CLSPN: variants seen among roughly 807,000 people sequenced by gnomAD.
CLSPN encodes claspin.
In CLSPN, 85 loss-of-function variants were observed where a neutral mutation model predicts 156.3. The observed-to-expected ratio is 0.54, with a 90% CI of 0.46 to 0.65. The LOEUF is 0.65. Ranked by LOEUF, CLSPN falls within the 30% of genes least tolerant of loss-of-function variation. The pLI, the probability that CLSPN is intolerant of heterozygous loss-of-function variation, is 0.00. For missense variants in CLSPN, 1,407 were observed against 1,554.9 expected, an observed-to-expected ratio of 0.90 and a Z score of 1.60; for synonymous variants, 534 against 542.4, an observed-to-expected ratio of 0.98 and a Z score of 0.22.
At chr1:35,721,304 T>C (rs908058839) in intron 24 of CLSPN, among the ~76,000 whole-genome samples, 15 of 152,184 alleles carry the variant, frequency 9.9e-5, no homozygotes, top group Admixed American at 8.5e-4. Flanking sequence ...ATTCCTCTAG[T>C]GCTACCAGGA....
At chr1:35,768,547 G>A (rs995040698) in intron 1 of CLSPN, among the ~76,000 whole-genome samples, 4 of 151,676 alleles carry the variant, frequency 2.6e-5, no homozygotes, top group Non-Finnish European at 4.4e-5. Context: ...AGCTGGGACC[G>A]AGTAGCTGGG....
At position 35,736,248 on chromosome 1, in the gene CLSPN, C is replaced by G; in HGVS notation, c.*248G>C. The G allele has an allele frequency of 9.0e-7, 1 of 1,108,246 alleles. No individual in the cohort carries two copies. The highest frequency in any genetic ancestry group is 1.1e-6 in the Non-Finnish European group (1 of 910,534). The allele number at this position is 1,108,246 out of a possible 1,614,324, so 68.7% of individuals were successfully genotyped here. ...AAAAAAAAAAAAAGGAAACCTCACC[C>G]AAGTATTCCATGAGTTGTTGATGTT... On this transcript the variant is annotated 3_prime_UTR_variant, in exon 25 of 25. Transcript: ENST00000318121.
At chr1:35,744,430 T>A (rs2148616527) in intron 16 of CLSPN, among the ~76,000 whole-genome samples, 1 of 152,252 alleles carries the variant, frequency 6.6e-6, no homozygotes, top group Non-Finnish European at 1.5e-5. Flanking sequence ...GCCCCCTGAA[T>A]AGCTGGTACT....
Position 35,747,089 on chromosome 1 carries a change from G to A in CLSPN, c.2628-97C>T, listed in dbSNP as rs138652790. On this transcript the variant is annotated intron_variant, in intron 14 of 24. Coordinates refer to ENST00000318121, the MANE Select transcript of CLSPN (RefSeq NM_022111.4). Reference sequence around the variant, plus strand: ...TGTAATCCCAGCACTTCGGGAGGCCGAGGCGGGCGGATCACGAGGTCAGGA... The same window carrying A: ...TGTAATCCCAGCACTTCGGGAGGCCAAGGCGGGCGGATCACGAGGTCAGGA... 1.0e-4 allele frequency: 85 copies of A among 824,166 alleles called. No individual in the cohort carries two copies. In the African/African-American group the frequency reaches 1.1e-3, roughly 10 times the overall value. 51.1% of individuals were successfully genotyped at this position (824,166 alleles called of 1,614,324 possible).
chr1:35,745,630 TAA>T (rs2148617243), intron 15 of CLSPN, 68 bp from the exon 16 acceptor site: 2 of 1,121,108 alleles, frequency 1.8e-6, no homozygotes, highest in Non-Finnish European at 2.7e-6. Flanking sequence ...CCCAGCCATC[TAA>T]AGTCATGCCA....
intron 24 of CLSPN, among the ~76,000 whole-genome samples, chr1:35,721,549 G>C (rs563407844): frequency 1.3e-5 from 2 of 151,908 alleles, no homozygotes; most frequent in African/African-American, 4.8e-5. Context: ...CACCACACCC[G>C]GCTAATTTTT....
intron 16 of CLSPN, 137 bp from the exon 17 acceptor site, chr1:35,743,667 C>T (rs1364994810): frequency 6.3e-6 from 4 of 635,994 alleles, no homozygotes; most frequent in African/African-American, 3.7e-5. Context: ...TCTCTTACAC[C>T]ACCTGGAATA....
In CLSPN at chr1:35,734,700, A is replaced by G. The variant is rs2148610984; in HGVS notation, c.*1796T>C. Reference sequence around the variant, plus strand: ...CTCAAAAAAAAAAAAAGAAAAGAAAAGAAAAGAAAAAGAAAAAGAAAAGAA... The same window carrying G: ...CTCAAAAAAAAAAAAAGAAAAGAAAGGAAAAGAAAAAGAAAAAGAAAAGAA... On this transcript the variant is annotated 3_prime_UTR_variant, in exon 25 of 25. Transcript: ENST00000318121. 2.1e-6 allele frequency: 2 copies of G among 937,586 alleles called. No individual in the cohort carries two copies. The highest frequency in any genetic ancestry group is 4.9e-5 in the South Asian group (1 of 20,346). The allele number at this position is 937,586 out of a possible 1,614,324, so 58.1% of individuals were successfully genotyped here.
chr1:35,769,633 G>C (rs186291320), intron 1 of CLSPN, among the ~76,000 whole-genome samples: 5 of 152,298 alleles, frequency 3.3e-5, no homozygotes, highest in African/African-American at 1.2e-4. Context: ...CGGCCACGGA[G>C]CCCGAAGCGC....
downstream of CLSPN, among the ~76,000 whole-genome samples, chr1:35,728,533 TTGA>T (rs746885576): frequency 2.0e-5 from 3 of 152,136 alleles, no homozygotes; most frequent in African/African-American, 7.2e-5. Flanking sequence ...CATCAGAAAG[TTGA>T]TGATAAGTTC....
At chr1:35,743,270 A>G (rs1641758543) in intron 17 of CLSPN, 29 bp from the exon 18 acceptor site, 2 of 1,566,286 alleles carry the variant, frequency 1.3e-6, no homozygotes, top group South Asian at 1.1e-5. Flanking sequence ...ATCCAAATTA[A>G]GCAGAATAAA....
intron 24 of CLSPN, among the ~76,000 whole-genome samples, chr1:35,723,210 C>T (rs1641113706): frequency 1.3e-5 from 2 of 152,192 alleles, no homozygotes; most frequent in Admixed American, 1.3e-4. Flanking sequence ...GCTGGGTTCA[C>T]CTACCCACAT....
downstream of CLSPN, chr1:35,732,029 C>G: frequency 2.5e-6 from 1 of 392,230 alleles, no homozygotes; most frequent in South Asian, 1.1e-4. Context: ...ACATAATGCA[C>G]TGACATACAT....
rs764709815 is a variant in CLSPN, at chr1:35,736,111, G to C, written c.*385C>G. On this transcript the variant is annotated 3_prime_UTR_variant, in exon 25 of 25. Coordinates refer to ENST00000318121, the MANE Select transcript of CLSPN (RefSeq NM_022111.4). ...CACATGCCTGTAATCCCAGCTACTC[G>C]GGAGGCTGAAGGAGGAGAATCGCTT... 30 of 567,740 alleles carry C rather than the reference G, an allele frequency of 5.3e-5. 1 individual carries two copies. In the South Asian group the frequency reaches 1.5e-3, roughly 29 times the overall value. The allele number at this position is 567,740 out of a possible 1,614,324, so 35.2% of individuals were successfully genotyped here. A position where few individuals can be genotyped will look rare whatever the true frequency, so the allele number is the denominator to read the frequency against.
intron 18 of CLSPN, among the ~76,000 whole-genome samples, chr1:35,741,096 T>A (rs1641674106): frequency 6.6e-6 from 1 of 152,160 alleles, no homozygotes; most frequent in South Asian, 2.1e-4. Context: ...TAAATACCTA[T>A]TAGAATTATC....
rs147648474 is a variant in CLSPN, at chr1:35,762,297, G to A, written c.822+107C>T. ...CCTACTATGTACAAAGCAATATGAT[G>A]GGTAACAGAAAAATATGATAGACAA... On this transcript the variant is annotated intron_variant, in intron 5 of 24. Coordinates refer to ENST00000318121, the MANE Select transcript of CLSPN (RefSeq NM_022111.4). The A allele has an allele frequency of 1.5e-3, 1,539 of 1,024,500 alleles. 18 individuals carry two copies. In the African/African-American group the frequency reaches 0.022, roughly 15 times the overall value. The allele number at this position is 1,024,500 out of a possible 1,614,324, so 63.5% of individuals were successfully genotyped here. A position where few individuals can be genotyped will look rare whatever the true frequency, so the allele number is the denominator to read the frequency against.
intron 24 of CLSPN, among the ~76,000 whole-genome samples, chr1:35,726,398 G>C (rs1244074053): frequency 2.0e-5 from 3 of 152,102 alleles, no homozygotes; most frequent in African/African-American, 7.2e-5. Context: ...GAATCTCTTA[G>C]AAATCTTTGG....
chr1:35,738,112 AAAT>A lies in CLSPN; in HGVS notation c.3559-18_3559-16del, dbSNP rs1190913323. ...CCCTGCTGTGCCTGAAAAAAAAAAA[AAAT>A]ATATATATATATATATATATATATA... is the stretch of plus-strand genomic sequence containing the variant. On this transcript the variant is annotated splice_polypyrimidine_tract_variant and intron_variant, in intron 21 of 24. Transcript: ENST00000318121. The A allele has an allele frequency of 4.2e-4, 199 of 479,480 alleles. 2 individuals carry two copies. In the African/African-American group the frequency reaches 9.8e-3, roughly 24 times the overall value. The allele number at this position is 479,480 out of a possible 1,614,324, so 29.7% of individuals were successfully genotyped here.
intron 18 of CLSPN, 54 bp from the exon 19 acceptor site, chr1:35,739,583 T>G: frequency 1.5e-6 from 2 of 1,378,262 alleles, no homozygotes; most frequent in Admixed American, 2.1e-5. Context: ...ACTCACAGAA[T>G]ATGGAAGCAA....
Sources: allele counts gnomAD v4.1 joint callset (sites outside exome capture counted in the v4.1 genomes callset), GRCh38; gene constraint gnomAD v4.1.1; transcripts MANE v1.5; gene names NCBI Gene and HGNC (gene_info 2026-07-23, HGNC 2026-07-21).